SIRPA: variants seen among roughly 807,000 people sequenced by gnomAD.
SIRPA encodes the protein tyrosine-protein phosphatase non-receptor type substrate 1.
In SIRPA, 9 loss-of-function variants were observed where a neutral mutation model predicts 50.3. That is an observed-to-expected ratio of 0.18 (90% CI 0.11 to 0.31). SIRPA has a LOEUF of 0.31. SIRPA is among the 10% of genes least tolerant of loss of function. SIRPA has a pLI of 1.00. For missense variants in SIRPA, 474 were observed against 661.6 expected (o/e 0.72, Z 3.11); for synonymous variants, 265 against 284.1 (o/e 0.93, Z 0.68).
upstream of SIRPA, chr20:1,894,177 A>T (rs1222290337): frequency 6.6e-6 from 1 of 150,414 alleles, no homozygotes; most frequent in East Asian, 2.0e-4. The surrounding 1 kb of genome is among the most constrained non-coding windows in gnomAD (Gnocchi z 4.0). Context: ...TCCGGCCCGC[A>T]CCCACCCCCA....
At chr20:1,901,450 C>T (rs1984204526) in intron 1 of SIRPA, among the ~76,000 whole-genome samples, 2 of 152,106 alleles carry the variant, frequency 1.3e-5, no homozygotes, top group Non-Finnish European at 2.9e-5. Flanking sequence ...GGATTACAGG[C>T]GTGAGCCACT....
chr20:1,920,310 G>A (rs1462526625), intron 2 of SIRPA, among the ~76,000 whole-genome samples: 1 of 152,216 alleles, frequency 6.6e-6, no homozygotes, highest in African/African-American at 2.4e-5. Context: ...TCCTTACTGT[G>A]CCCTCAAAAT....
chr20:1,924,897 C>G lies in SIRPA; in HGVS notation c.1201+20C>G. ...AGAAAGGTGGGTGCATTCCCCTCTT[C>G]CTCCCTAAGGGTTTGTCCCTGGACT... On this transcript the variant is annotated intron_variant, in intron 5 of 7. Coordinates refer to ENST00000358771, the MANE Select transcript of SIRPA (RefSeq NM_001040023.2). The surrounding 1 kb of genome is among the most constrained non-coding windows in gnomAD (Gnocchi z 4.5). 1.3e-6 allele frequency: 2 copies of G among 1,588,316 alleles called. No individual in the cohort carries two copies. The highest frequency in any genetic ancestry group is 1.7e-6 in the Non-Finnish European group (2 of 1,156,454).
chr20:1,929,226 G>A (rs1182855133), intron 6 of SIRPA, among the ~76,000 whole-genome samples: 2 of 152,064 alleles, frequency 1.3e-5, no homozygotes, highest in Non-Finnish European at 2.9e-5. Flanking sequence ...GTGTCGCCTG[G>A]CTACATGTGG....
At position 1,927,785 on chromosome 20, in the gene SIRPA, C is replaced by A; in HGVS notation, c.1202-90C>A. The stretch of plus-strand genomic sequence containing the variant: ...GATTACAGCATTTCCTCTCCATGTC[C>A]CTGGAGGCAAACCTTTTGCCAAAAA... On this transcript the variant is annotated intron_variant, in intron 5 of 7. Coordinates refer to ENST00000358771, the MANE Select transcript of SIRPA (RefSeq NM_001040023.2). This position sits in a 1 kb window ranked among gnomAD's most constrained non-coding sequence, Gnocchi z 6.5. 1 of 1,148,372 alleles carries A rather than the reference C, an allele frequency of 8.7e-7. No individual in the cohort carries two copies. Among genetic ancestry groups the A allele is most frequent in the Non-Finnish European group, 1.3e-6 (1 of 755,502 alleles). 71.1% of individuals were successfully genotyped at this position (1,148,372 alleles called of 1,614,324 possible). A position where few individuals can be genotyped will look rare whatever the true frequency, so the allele number is the denominator to read the frequency against.
chr20:1,895,830 C>G (rs1244333754), intron 1 of SIRPA, among the ~76,000 whole-genome samples: 1 of 152,194 alleles, frequency 6.6e-6, no homozygotes, highest in East Asian at 1.9e-4. Context: ...CTGCCCGGTC[C>G]AATGGGGAAG....
chr20:1,911,888 A>G (rs997661004), intron 1 of SIRPA, among the ~76,000 whole-genome samples: 2 of 150,412 alleles, frequency 1.3e-5, no homozygotes, highest in African/African-American at 4.9e-5. Context: ...GCCAGGAGTG[A>G]TTTTTAACAA....
rs1000618862 is a variant in SIRPA, at chr20:1,939,950, G to T, written c.*2382G>T. Reference sequence around the variant, plus strand: ...GTGAGTGCGTCCCGGGGCCGCCTCGGGGCCTGCCTGCCCTCCTGCCAAAGC... The same window carrying T: ...GTGAGTGCGTCCCGGGGCCGCCTCGTGGCCTGCCTGCCCTCCTGCCAAAGC... On this transcript the variant is annotated 3_prime_UTR_variant, in exon 8 of 8. Coordinates refer to ENST00000358771, the MANE Select transcript of SIRPA (RefSeq NM_001040023.2). This position sits in a 1 kb window ranked among gnomAD's most constrained non-coding sequence, Gnocchi z 4.7. The T allele has an allele frequency of 2.6e-5, 4 of 152,498 alleles. No homozygotes were observed. Among genetic ancestry groups the T allele is most frequent in the Non-Finnish European group, 5.9e-5 (4 of 68,036 alleles). The allele number at this position is 152,498 out of a possible 1,614,324, so 9.4% of individuals were successfully genotyped here.
At chr20:1,907,800 A>C (rs1272457477) in intron 1 of SIRPA, among the ~76,000 whole-genome samples, 1 of 152,242 alleles carries the variant, frequency 6.6e-6, no homozygotes, top group East Asian at 1.9e-4. Flanking sequence ...AGAGGGCATG[A>C]ATGAATCATT....
chr20:1,927,880 G>A lies in SIRPA; in HGVS notation c.1207G>A (p.Gly403Ser). Reference protein sequence around the residue: ...LVRIRQKKAQGSTSSTRLHEP... With the variant: ...LVRIRQKKAQSSTSSTRLHEP... ...TTGTTTCTTTTGTCTTTCAGCCCAG[G>A]GCTCCACTTCTTCTACAAGGTAAGT... is the stretch of plus-strand genomic sequence containing the variant. Residue 403 changes from glycine (G) to serine (S), a missense_variant, in exon 6 of 8, where the codon GGC becomes AGC. By Grantham distance (56) the Gly-to-Ser change is moderately conservative (BLOSUM62 0). This residue lies in a region of SIRPA where 180 missense variants were observed against 206.7 expected (regional missense o/e 0.87). Coordinates refer to ENST00000358771, the MANE Select transcript of SIRPA (RefSeq NM_001040023.2). This position sits in a 1 kb window ranked among gnomAD's most constrained non-coding sequence, Gnocchi z 6.5. 6.2e-6 allele frequency: 10 copies of A among 1,613,832 alleles called. No individual in the cohort carries two copies. Among genetic ancestry groups the A allele is most frequent in the Non-Finnish European group, 8.5e-6 (10 of 1,179,810 alleles).
intron 5 of SIRPA, among the ~76,000 whole-genome samples, chr20:1,925,821 C>T (rs1985943928): frequency 6.6e-6 from 1 of 152,186 alleles, no homozygotes; most frequent in Admixed American, 6.5e-5. Context: ...CTTTCCCACT[C>T]TTGGAGAAGA....
chr20:1,903,059 G>A (rs1393146551), intron 1 of SIRPA, among the ~76,000 whole-genome samples: 3 of 151,216 alleles, frequency 2.0e-5, no homozygotes, highest in South Asian at 2.1e-4. Flanking sequence ...AAATGGAGGA[G>A]TAGCCACGGG....
chr20:1,936,383 C>T lies in SIRPA; in HGVS notation c.1267-937C>T, dbSNP rs1298795579. On this transcript the variant is annotated intron_variant, in intron 7 of 7. Coordinates refer to ENST00000358771, the MANE Select transcript of SIRPA (RefSeq NM_001040023.2). This position sits in a 1 kb window ranked among gnomAD's most constrained non-coding sequence, Gnocchi z 4.2. ...GTTCTAAACGCTTTACCTGGATAAT[C>T]TCATTCCATCCTCACAGCAACCCTG... Among the ~76,000 whole-genome samples the T allele has an allele frequency of 6.6e-6, 1 of 152,186 alleles. No homozygotes were observed. The highest frequency in any genetic ancestry group is 1.5e-5 in the Non-Finnish European group (1 of 68,030).
At chr20:1,925,393 T>C (rs1245494559) in intron 5 of SIRPA, among the ~76,000 whole-genome samples, 1 of 152,220 alleles carries the variant, frequency 6.6e-6, no homozygotes, top group East Asian at 1.9e-4. Context: ...ATGTCAGCCC[T>C]GATTATTACC....
chr20:1,907,905 C>T (rs1199759551), intron 1 of SIRPA, among the ~76,000 whole-genome samples: 1 of 152,206 alleles, frequency 6.6e-6, no homozygotes, highest in Non-Finnish European at 1.5e-5. Context: ...TCCACTGGTG[C>T]AGCCCCGGCC....
intron 6 of SIRPA, among the ~76,000 whole-genome samples, chr20:1,929,443 T>C (rs751082374): frequency 1.4e-4 from 22 of 152,118 alleles, no homozygotes; most frequent in Non-Finnish European, 3.2e-4. Context: ...AGTGGAGTGC[T>C]GTATCCTGAG....
Position 1,900,186 on chromosome 20 carries a change from C to A in SIRPA, c.79+4660C>A, listed in dbSNP as rs563004818. Among the ~76,000 whole-genome samples the A allele has an allele frequency of 1.5e-4, 22 of 151,354 alleles. No individual in the cohort carries two copies. In the South Asian group the frequency reaches 4.6e-3, roughly 32 times the overall value. On this transcript the variant is annotated intron_variant, in intron 1 of 7. Transcript: ENST00000358771. ...CGTGATCTCGGCTCAACGCAACCTC[C>A]GCCTCCTGGGTTCAAGCGATTCTCC...
At chr20:1,901,746 CTG>C (rs1293245575) in intron 1 of SIRPA, among the ~76,000 whole-genome samples, 1 of 152,134 alleles carries the variant, frequency 6.6e-6, no homozygotes, top group Non-Finnish European at 1.5e-5. Flanking sequence ...TTCTTTGTGT[CTG>C]TAAGATTTCC....
intron 5 of SIRPA, among the ~76,000 whole-genome samples, chr20:1,925,650 TTATA>T (rs1600444618): frequency 6.6e-6 from 1 of 152,254 alleles, no homozygotes; most frequent in East Asian, 1.9e-4. Flanking sequence ...CAGACCCTGG[TTATA>T]TACTGTAAAC....
Sources: gnomAD v4.1 joint callset for allele counts (sites outside exome capture counted in the v4.1 genomes callset) on GRCh38, gnomAD v4.1.1 for gene constraint, gnomAD v4.1.1 regional missense constraint, Gnocchi (gnomAD v3.1) non-coding constraint, MANE v1.5 for transcripts, NCBI Gene and HGNC (gene_info 2026-07-23, HGNC 2026-07-21) for gene names.